CHD9: variants seen among roughly 807,000 people sequenced by gnomAD.
The protein encoded by CHD9 is ATP-dependent chromatin remodeler CHD9.
In CHD9, 77 loss-of-function variants were observed where a neutral mutation model predicts 316.1. That is an observed-to-expected ratio of 0.24 (90% CI 0.20 to 0.29). The LOEUF is 0.29. CHD9 is among the 10% of genes least tolerant of loss of function. The probability of loss-of-function intolerance (pLI) is 1.00; values close to 1 mark genes in which losing one functional copy is unlikely to be tolerated. For synonymous variants in CHD9, 1,129 were observed against 1,158.3 expected, an observed-to-expected ratio of 0.97 and a Z score of 0.51; for missense variants, 2,763 against 3,438.1, an observed-to-expected ratio of 0.80 and a Z score of 4.91.
intron 1 of CHD9, among the ~76,000 whole-genome samples, chr16:53,154,789 C>G (rs10468261): frequency 0.04 from 6,144 of 152,208 alleles, 160 homozygotes; most frequent in Non-Finnish European, 0.057. Context: ...TCTAACAGGC[C>G]ACGCACCCAT....
chr16:53,056,482 C>T (rs1197385538), intron 1 of CHD9, among the ~76,000 whole-genome samples: 1 of 152,194 alleles, frequency 6.6e-6, no homozygotes, highest in Non-Finnish European at 1.5e-5. Context: ...GCCAAGGAAA[C>T]TGAGGCTCAG....
chr16:53,217,912 TTTTCTTTCTTTCTTTC>T (rs138448097), intron 3 of CHD9, among the ~76,000 whole-genome samples: 18,495 of 144,188 alleles, frequency 0.13, 1,366 homozygotes, highest in South Asian at 0.23. Context: ...GCTTATACTC[TTTTCTTTCTTTCTTTC>T]TTTCTTTCTT....
intron 1 of CHD9, among the ~76,000 whole-genome samples, chr16:53,125,289 T>C (rs925132673): frequency 7.4e-6 from 1 of 135,792 alleles, no homozygotes; most frequent in East Asian, 2.3e-4. Flanking sequence ...AGTGGCGCAA[T>C]CTCAGCTCAC....
chr16:53,104,000 T>A (rs1318600582), intron 1 of CHD9, among the ~76,000 whole-genome samples: 1 of 152,202 alleles, frequency 6.6e-6, no homozygotes, highest in East Asian at 1.9e-4. Flanking sequence ...TCCTCTGTTA[T>A]AAACGACTTC....
At chr16:53,144,353 A>G (rs1420993417) in intron 1 of CHD9, among the ~76,000 whole-genome samples, 1 of 152,188 alleles carries the variant, frequency 6.6e-6, no homozygotes, top group Non-Finnish European at 1.5e-5. Flanking sequence ...TGAATATGTT[A>G]TCACATATTC....
chr16:53,208,212 C>A, intron 2 of CHD9: 1 of 1,157,834 alleles, frequency 8.6e-7, no homozygotes, highest in South Asian at 1.7e-5. Flanking sequence ...CTCTTGGTTG[C>A]AGCTTGCTAA....
chr16:53,114,872 C>T (rs1242932390), intron 1 of CHD9, among the ~76,000 whole-genome samples: 1 of 152,250 alleles, frequency 6.6e-6, no homozygotes, highest in African/African-American at 2.4e-5. Context: ...CAGGCGTGAG[C>T]CACCGTGCCA....
chr16:53,259,875 T>G (rs2050934244), intron 19 of CHD9, among the ~76,000 whole-genome samples: 1 of 152,188 alleles, frequency 6.6e-6, no homozygotes, highest in Non-Finnish European at 1.5e-5. Context: ...ACCAGATTGG[T>G]TAAATCTCAA....
chr16:53,145,005 A>C (rs1231367236), intron 1 of CHD9, among the ~76,000 whole-genome samples: 5 of 152,012 alleles, frequency 3.3e-5, no homozygotes, highest in Admixed American at 2.0e-4. Flanking sequence ...AAAAAAAAAA[A>C]AAAAAAGTTC....
Position 53,238,398 on chromosome 16 carries a change from A to G in CHD9, c.2689A>G (p.Thr897Ala). The G allele has an allele frequency of 6.2e-7, 1 of 1,612,888 alleles. No homozygotes were observed. The highest frequency in any genetic ancestry group is 8.5e-7 in the Non-Finnish European group (1 of 1,179,114). ...MGLGKTIQSI[T>A]FLYEILLTGI... ...TCTTGGCAAAACTATTCAATCAATT[A>G]CATTCCTCTATGAAATCCTTCTGAC... The change falls in exon 12 of 39, where the codon ACA (threonine) becomes GCA (alanine). Residue 897 changes from threonine to alanine, a missense_variant. Coordinates refer to ENST00000447540, the MANE Select transcript of CHD9 (RefSeq NM_001308319.2).
intron 1 of CHD9, among the ~76,000 whole-genome samples, chr16:53,115,945 G>A (rs2038260962): frequency 6.6e-6 from 1 of 152,208 alleles, no homozygotes; most frequent in African/African-American, 2.4e-5. Context: ...GGGAAGAGAA[G>A]GTGAAAAGGT....
At chr16:53,291,233 A>G (rs963436387) in intron 27 of CHD9, among the ~76,000 whole-genome samples, 14 of 152,254 alleles carry the variant, frequency 9.2e-5, no homozygotes, top group African/African-American at 3.4e-4. Context: ...AGTTATGAAT[A>G]TAAGGTAATA....
chr16:53,256,479 T>C lies in CHD9; in HGVS notation c.4209+700T>C, dbSNP rs2050610477. ...CAGCTTACTACAACCTCCACCACCA[T>C]GCCCGGCTAATTTTTGTAATTTTAG... On this transcript the variant is annotated intron_variant, in intron 19 of 38. Transcript: ENST00000447540. Among the ~76,000 whole-genome samples the C allele has an allele frequency of 3.6e-5, 5 of 140,076 alleles. No homozygotes were observed. In the South Asian group the frequency reaches 1.3e-3, roughly 35 times the overall value. 91.9% of individuals were successfully genotyped at this position (140,076 alleles called of 152,430 possible).
At chr16:53,151,965 GGTAT>G (rs1454054238) in intron 1 of CHD9, among the ~76,000 whole-genome samples, 5 of 135,004 alleles carry the variant, frequency 3.7e-5, no homozygotes, top group South Asian at 2.4e-4. Flanking sequence ...ATGCTTTCAG[GGTAT>G]GTGTGTGTGT....
At chr16:53,297,677 C>G (rs1318460554) in intron 30 of CHD9, among the ~76,000 whole-genome samples, 7 of 152,170 alleles carry the variant, frequency 4.6e-5, no homozygotes, top group South Asian at 2.1e-4. Flanking sequence ...TCTTCAAAGC[C>G]CAGAGACATA....
intron 1 of CHD9, among the ~76,000 whole-genome samples, chr16:53,112,937 G>A (rs2037980698): frequency 6.6e-6 from 1 of 152,158 alleles, no homozygotes; most frequent in South Asian, 2.1e-4. Context: ...AGGAGGTCAA[G>A]GCTGCAGTGA....
At position 53,245,747 on chromosome 16, in the gene CHD9, C is replaced by T. The variant is rs549901962; in HGVS notation, c.3351C>T (p.Asn1117=). 1.2e-6 allele frequency: 2 copies of T among 1,611,032 alleles called. No homozygotes were observed. The highest frequency in any genetic ancestry group is 2.2e-5 in the South Asian group (2 of 90,390). ...ACTACCGGGCTATCTTGGAAAAGAA[C>T]TTTTCTTTTTTATCCAAAGGAGCAG... The part of the protein sequence containing the change: ...KKYYRAILEK[N]FSFLSKGAGQ... The change falls in exon 15 of 39, where the codon AAC becomes AAT. Residue 1117 remains asparagine, a synonymous_variant. Transcript: ENST00000447540. The surrounding 1 kb of genome is among the most constrained non-coding windows in gnomAD (Gnocchi z 4.1).
chr16:53,077,852 T>C (rs115040336), intron 1 of CHD9, among the ~76,000 whole-genome samples: 3,480 of 152,230 alleles, frequency 0.023, 133 homozygotes, highest in African/African-American at 0.079. Context: ...GTCAGGTGGA[T>C]CACTTGAGGT....
rs2153125067 is a variant in CHD9 at position 53,325,057 on chromosome 16, A to G, written c.*162A>G. ...CTTTCAGAGACTTTTTGCATGTAAT[A>G]TTTCTTAAGATTCATAAGTTTCTGA... On this transcript the variant is annotated 3_prime_UTR_variant, in exon 39 of 39. Coordinates refer to ENST00000447540, the MANE Select transcript of CHD9 (RefSeq NM_001308319.2). 3.5e-6 allele frequency: 2 copies of G among 565,260 alleles called. No homozygotes were observed. Among genetic ancestry groups the G allele is most frequent in the South Asian group, 6.7e-5 (2 of 30,030 alleles). 35.0% of individuals were successfully genotyped at this position (565,260 alleles called of 1,614,324 possible).
Sources: allele counts gnomAD v4.1 joint callset (sites outside exome capture counted in the v4.1 genomes callset), GRCh38; gene constraint gnomAD v4.1.1; non-coding constraint Gnocchi (gnomAD v3.1); transcripts MANE v1.5; gene names NCBI Gene and HGNC (gene_info 2026-07-23, HGNC 2026-07-21).